The following DENND4C variants were observed in gnomAD, a reference collection of about 807,000 sequenced individuals.
DENND4C encodes the protein DENN domain containing 4C, also known as DENN domain-containing protein 4C.
In DENND4C, 108 loss-of-function variants were observed where a neutral mutation model predicts 203.0. The observed-to-expected ratio is 0.53, with a 90% CI of 0.46 to 0.62. DENND4C has a LOEUF of 0.62. DENND4C is among the 20% of genes least tolerant of loss of function. The pLI, the probability that DENND4C is intolerant of heterozygous loss-of-function variation, is 0.00. For synonymous variants in DENND4C, 871 were observed against 792.4 expected, an observed-to-expected ratio of 1.10 and a Z score of -1.67; for missense variants, 2,481 against 2,301.2, an observed-to-expected ratio of 1.08 and a Z score of -1.60.
rs764497578 is a variant in DENND4C, at chr9:19,358,200, C to T, written c.5160+40C>T. On this transcript the variant is annotated intron_variant, in intron 28 of 32. Transcript: ENST00000434457. The surrounding 1 kb of genome is among the most constrained non-coding windows in gnomAD (Gnocchi z 4.8). The stretch of plus-strand genomic sequence containing the variant: ...CAACATTGTAATTATACTGCATACA[C>T]ACCTAAGTATATAGTAGAACATTAT... 2.7e-6 allele frequency: 4 copies of T among 1,504,202 alleles called. No individual in the cohort carries two copies. The highest frequency in any genetic ancestry group is 3.7e-6 in the Non-Finnish European group (4 of 1,087,278). 93.2% of individuals were successfully genotyped at this position (1,504,202 alleles called of 1,614,324 possible).
intron 12 of DENND4C, among the ~76,000 whole-genome samples, chr9:19,323,303 A>ATG (rs2131653794): frequency 6.6e-6 from 1 of 151,970 alleles, no homozygotes; most frequent in East Asian, 1.9e-4. Flanking sequence ...GGTGATGGGC[A>ATG]CCTGTAATCC....
intron 10 of DENND4C, among the ~76,000 whole-genome samples, chr9:19,308,867 T>G (rs1388971245): frequency 6.6e-6 from 1 of 152,226 alleles, no homozygotes; most frequent in Non-Finnish European, 1.5e-5. Context: ...CTGGGCTAAT[T>G]CTTTTCCTTT....
chr9:19,314,646 AG>A (rs1008725192), intron 10 of DENND4C, among the ~76,000 whole-genome samples: 26 of 151,126 alleles, frequency 1.7e-4, no homozygotes, highest in African/African-American at 5.6e-4. Context: ...TGACTTGCTT[AG>A]AAAAAAAAAC....
intron 32 of DENND4C, 90 bp downstream of exon 32, chr9:19,371,910 A>T (rs1056387322): frequency 2.0e-5 from 26 of 1,315,812 alleles, no homozygotes; most frequent in Middle Eastern, 2.5e-4. Context: ...TGTATAAAAG[A>T]TTTAAAAGAT....
intron 18 of DENND4C, 71 bp downstream of exon 18, chr9:19,335,176 T>G: frequency 8.9e-7 from 1 of 1,122,280 alleles, no homozygotes; most frequent in Middle Eastern, 3.2e-4. Context: ...CTTTAGTTAT[T>G]CATGAAACTC....
intron 1 of DENND4C, among the ~76,000 whole-genome samples, chr9:19,249,413 C>T (rs369984412): frequency 1.2e-3 from 188 of 151,952 alleles, no homozygotes; most frequent in African/African-American, 4.4e-3. Context: ...CCACCATGCC[C>T]GGCTAATTTT....
intron 7 of DENND4C, among the ~76,000 whole-genome samples, chr9:19,298,642 G>A (rs1837935543): frequency 6.6e-6 from 1 of 152,128 alleles, no homozygotes; most frequent in South Asian, 2.1e-4. Context: ...CTTGGATATA[G>A]GAGAGAGGTC....
intron 1 of DENND4C, among the ~76,000 whole-genome samples, chr9:19,265,440 TTTTA>T (rs138768884): frequency 0.84 from 125,539 of 150,256 alleles, 52,495 homozygotes; most frequent in Admixed American, 0.88. Context: ...TCTTTTTTAT[TTTTA>T]TTTATTTATT....
intron 13 of DENND4C, among the ~76,000 whole-genome samples, chr9:19,324,863 G>A (rs186879618): frequency 9.2e-5 from 14 of 152,254 alleles, no homozygotes; most frequent in African/African-American, 3.4e-4. Context: ...GGGACTACAG[G>A]CATGTGCTAC....
At chr9:19,245,151 T>G (rs139279161) in intron 1 of DENND4C, among the ~76,000 whole-genome samples, 1 of 152,136 alleles carries the variant, frequency 6.6e-6, no homozygotes, top group African/African-American at 2.4e-5. Context: ...GAAATTCATA[T>G]TTTATTGGTC....
chr9:19,292,018 A>C (rs1041745605), intron 5 of DENND4C, among the ~76,000 whole-genome samples: 4 of 151,672 alleles, frequency 2.6e-5, no homozygotes, highest in African/African-American at 9.7e-5. Flanking sequence ...TAAATAAATA[A>C]ATAATCCCAC....
At chr9:19,298,241 G>A in intron 7 of DENND4C, 119 bp downstream of exon 7, 1 of 819,232 alleles carries the variant, frequency 1.2e-6, no homozygotes, top group South Asian at 2.1e-5. Context: ...TAAAGTCCTT[G>A]GATTTTCTGT....
intron 1 of DENND4C, among the ~76,000 whole-genome samples, chr9:19,250,860 C>T (rs1182288199): frequency 6.6e-6 from 1 of 152,246 alleles, no homozygotes; most frequent in African/African-American, 2.4e-5. Flanking sequence ...GGCAACTCCA[C>T]CCCTGTGGCT....
intron 29 of DENND4C, 40 bp downstream of exon 29, chr9:19,360,529 G>A (rs1230321430): frequency 6.2e-7 from 1 of 1,611,470 alleles, no homozygotes; most frequent in East Asian, 2.2e-5. Context: ...GTATTCAGTA[G>A]GATGAGGCTT....
chr9:19,302,367 TGAA>T (rs1190559473), intron 9 of DENND4C, among the ~76,000 whole-genome samples: 2 of 152,210 alleles, frequency 1.3e-5, no homozygotes, highest in Non-Finnish European at 2.9e-5. Context: ...AAGGCAAAGG[TGAA>T]GAGAAGGATA....
rs57987395 is a variant in DENND4C, at chr9:19,369,778, A to AT, written c.5525-59_5525-58insT. On this transcript the variant is annotated intron_variant, in intron 30 of 32. Coordinates refer to ENST00000434457, the MANE Select transcript of DENND4C (RefSeq NM_001330640.2). The stretch of plus-strand genomic sequence containing the variant: ...TGAGATGTTGTCTCAAAAAAAAAAA[A>AT]ATAATAATAATAATAATAGTAATAA... 141 of 849,146 alleles carry AT rather than the reference A, an allele frequency of 1.7e-4. 2 individuals carry two copies. The highest frequency in any genetic ancestry group is 1.9e-4 in the Non-Finnish European group (125 of 658,924). 52.6% of individuals were successfully genotyped at this position (849,146 alleles called of 1,614,324 possible).
intron 1 of DENND4C, among the ~76,000 whole-genome samples, chr9:19,259,267 G>C (rs1380917807): frequency 6.6e-6 from 1 of 151,576 alleles, no homozygotes; most frequent in South Asian, 2.1e-4. Context: ...CCTTTGCAGC[G>C]TCTGATAGCT....
At chr9:19,247,187 A>C (rs1486913857) in intron 1 of DENND4C, among the ~76,000 whole-genome samples, 3 of 151,994 alleles carry the variant, frequency 2.0e-5, no homozygotes, top group African/African-American at 7.3e-5. Flanking sequence ...TCTCGGTCTT[A>C]TTTTCTAGCT....
chr9:19,287,410 C>T (rs752783554), intron 3 of DENND4C, among the ~76,000 whole-genome samples: 1 of 151,926 alleles, frequency 6.6e-6, no homozygotes, highest in Non-Finnish European at 1.5e-5. Context: ...CAGGGTCTTG[C>T]TTTGTCGCCC....
Sources: allele counts gnomAD v4.1 joint callset (sites outside exome capture counted in the v4.1 genomes callset), GRCh38; gene constraint gnomAD v4.1.1; non-coding constraint Gnocchi (gnomAD v3.1); transcripts MANE v1.5; gene names NCBI Gene and HGNC (gene_info 2026-07-23, HGNC 2026-07-21).